The following GFPT1 variants were observed in gnomAD, a reference collection of about 807,000 sequenced individuals.
GFPT1 encodes glutamine--fructose-6-phosphate aminotransferase [isomerizing] 1.
GFPT1 carries 40 observed loss-of-function variants against 92.0 expected under a neutral mutation model. That is an observed-to-expected ratio of 0.43 (90% CI 0.34 to 0.57). The LOEUF (loss-of-function observed/expected upper bound fraction) is 0.57, where lower values mean the gene tolerates loss of function less well. Ranked by LOEUF, GFPT1 falls within the 20% of genes least tolerant of loss-of-function variation. The pLI, the probability that GFPT1 is intolerant of heterozygous loss-of-function variation, is 0.02. For missense variants in GFPT1, 448 were observed against 869.1 expected, an observed-to-expected ratio of 0.52 and a Z score of 6.09; for synonymous variants, 269 against 280.6, an observed-to-expected ratio of 0.96 and a Z score of 0.41.
At chr2:69,383,792 AT>A (rs1372318548) in intron 1 of GFPT1, among the ~76,000 whole-genome samples, 1 of 151,924 alleles carries the variant, frequency 6.6e-6, no homozygotes. Flanking sequence ...CGCCCGGCTA[AT>A]TTTTTTGGAT....
chr2:69,326,534 T>G (rs1199007724), intron 19 of GFPT1, among the ~76,000 whole-genome samples: 1 of 152,190 alleles, frequency 6.6e-6, no homozygotes, highest in Non-Finnish European at 1.5e-5. Context: ...AAAAGCACTA[T>G]GTTTTGGTTG....
intron 1 of GFPT1, among the ~76,000 whole-genome samples, chr2:69,381,704 C>G (rs549437921): frequency 2.1e-5 from 3 of 143,748 alleles, no homozygotes; most frequent in African/African-American, 8.1e-5. Flanking sequence ...CAGGTATGCA[C>G]CACCATGCCT....
chr2:69,366,196 A>T (rs1671606504), intron 3 of GFPT1, among the ~76,000 whole-genome samples: 1 of 150,808 alleles, frequency 6.6e-6, no homozygotes, highest in South Asian at 2.1e-4. Context: ...AGAAAGTCAC[A>T]AGATTCTATA....
intron 1 of GFPT1, among the ~76,000 whole-genome samples, chr2:69,381,682 T>C (rs1017046977): frequency 1.1e-4 from 17 of 151,052 alleles, no homozygotes; most frequent in African/African-American, 3.9e-4. Context: ...GTCTTCTAAG[T>C]AGACTGGACT....
intron 4 of GFPT1, among the ~76,000 whole-genome samples, chr2:69,362,776 G>A (rs747929946): frequency 3.3e-5 from 5 of 151,876 alleles, no homozygotes; most frequent in Non-Finnish European, 7.4e-5. Context: ...CAGCCTGGGC[G>A]ACACAGCGAG....
chr2:69,361,032 GC>G (rs1468370170), intron 4 of GFPT1, among the ~76,000 whole-genome samples: 1 of 151,882 alleles, frequency 6.6e-6, no homozygotes, highest in Non-Finnish European at 1.5e-5. Context: ...ACCACACCCG[GC>G]CCCCAACAAT....
At chr2:69,350,413 T>A (rs1490094869) in intron 9 of GFPT1, among the ~76,000 whole-genome samples, 2 of 152,070 alleles carry the variant, frequency 1.3e-5, no homozygotes, top group South Asian at 4.2e-4. Flanking sequence ...CAGGTAAAAG[T>A]GCTACATTAT....
At chr2:69,365,832 G>A (rs564581396) in intron 3 of GFPT1, among the ~76,000 whole-genome samples, 6 of 151,144 alleles carry the variant, frequency 4.0e-5, no homozygotes, top group Non-Finnish European at 8.8e-5. Flanking sequence ...TTTTTGAAAC[G>A]GAGTTTTGCT....
chr2:69,363,509 C>T, intron 4 of GFPT1, 36 bp downstream of exon 4: 1 of 1,604,856 alleles, frequency 6.2e-7, no homozygotes, highest in Non-Finnish European at 8.5e-7. Context: ...ATTAGGTTTC[C>T]ACAATCATTC....
chr2:69,370,643 G>A (rs942452617), intron 2 of GFPT1, among the ~76,000 whole-genome samples: 1 of 150,642 alleles, frequency 6.6e-6, no homozygotes, highest in Non-Finnish European at 1.5e-5. Flanking sequence ...AGAAACGGAA[G>A]GAAGAAACCA....
At position 69,320,774 on chromosome 2, in the gene GFPT1, CA is replaced by C. The variant is rs1392514437; in HGVS notation, c.*5414del. On this transcript the variant is annotated 3_prime_UTR_variant, in exon 20 of 20. Coordinates refer to ENST00000357308, the MANE Select transcript of GFPT1 (RefSeq NM_001244710.2). ...CTGCATGCCAGCCTGGGCAACAGAG[CA>C]AAACTCCATCTCAAAAAAAAAAAAA... 1 of 143,486 alleles carries C rather than the reference CA, an allele frequency of 7.0e-6. No homozygotes were observed. The highest frequency in any genetic ancestry group is 1.5e-5 in the Non-Finnish European group (1 of 66,602). 8.9% of individuals were successfully genotyped at this position (143,486 alleles called of 1,614,324 possible).
At chr2:69,356,399 G>C in intron 7 of GFPT1, 97 bp downstream of exon 7, 1 of 865,588 alleles carries the variant, frequency 1.2e-6, no homozygotes, top group South Asian at 1.3e-5. Context: ...ATAAAGGGCA[G>C]AGCCTTTATA....
At chr2:69,330,569 A>C (rs1670636087) in intron 15 of GFPT1, among the ~76,000 whole-genome samples, 3 of 149,156 alleles carry the variant, frequency 2.0e-5, no homozygotes, top group Non-Finnish European at 4.5e-5. Flanking sequence ...TTATGTTTTA[A>C]GTTTGCATTA....
intron 3 of GFPT1, among the ~76,000 whole-genome samples, chr2:69,364,145 T>C (rs1263837743): frequency 6.6e-6 from 1 of 150,852 alleles, no homozygotes; most frequent in African/African-American, 2.4e-5. Flanking sequence ...TAGGAACACA[T>C]TGTACGTCTG....
At position 69,337,993 on chromosome 2, in the gene GFPT1, C is replaced by A; in HGVS notation, c.1387G>T (p.Gly463Trp). ...YCKERGALTVGITNTVGSSIS... is the reference protein window; with the variant it reads ...YCKERGALTVWITNTVGSSIS... ...GAACTGCCAACTGTGTTTGTGATCC[C>A]CACAGTTAAAGCTCCTCTCTCCTTA... The change falls in exon 15 of 20, where the codon GGG (glycine) becomes TGG (tryptophan). Residue 463 changes from glycine (G) to tryptophan (W), a missense_variant. Around this residue, in one of 7 missense-constraint regions of GFPT1, gnomAD observed 121 missense variants for 304.3 expected, o/e 0.40. Coordinates refer to ENST00000357308, the MANE Select transcript of GFPT1 (RefSeq NM_001244710.2). 1 of 1,612,906 alleles carries A rather than the reference C, an allele frequency of 6.2e-7. No individual in the cohort carries two copies. Among genetic ancestry groups the A allele is most frequent in the Non-Finnish European group, 8.5e-7 (1 of 1,178,884 alleles).
At chr2:69,382,724 C>A (rs768282620) in intron 1 of GFPT1, among the ~76,000 whole-genome samples, 1 of 152,138 alleles carries the variant, frequency 6.6e-6, no homozygotes, top group Non-Finnish European at 1.5e-5. Context: ...CATTCACTGA[C>A]GGTTAACATA....
At chr2:69,382,463 C>G (rs1402973140) in intron 1 of GFPT1, among the ~76,000 whole-genome samples, 1 of 152,192 alleles carries the variant, frequency 6.6e-6, no homozygotes, top group Non-Finnish European at 1.5e-5. Flanking sequence ...TGCAGCCCTC[C>G]TCCTAAACAC....
intron 3 of GFPT1, among the ~76,000 whole-genome samples, chr2:69,366,896 T>C (rs1671625014): frequency 6.6e-6 from 1 of 152,208 alleles, no homozygotes; most frequent in Non-Finnish European, 1.5e-5. Context: ...TTCTCAGATG[T>C]CATCTTCCCT....
chr2:69,326,104 T>G lies in GFPT1; in HGVS notation c.*85A>C. 1.2e-6 allele frequency: 1 copy of G among 832,512 alleles called. No individual in the cohort carries two copies. The allele number at this position is 832,512 out of a possible 1,614,324, so 51.6% of individuals were successfully genotyped here. A position where few individuals can be genotyped will look rare whatever the true frequency, so the allele number is the denominator to read the frequency against. On this transcript the variant is annotated 3_prime_UTR_variant, in exon 20 of 20. Transcript: ENST00000357308. Reference sequence around the variant, plus strand: ...TTTACTAAAAAAAGGCTTCAAGGGGTGATATTTTAAATCAAGGTTTTAAAT... The same window carrying G: ...TTTACTAAAAAAAGGCTTCAAGGGGGGATATTTTAAATCAAGGTTTTAAAT...
Sources: gnomAD v4.1 joint callset for allele counts (sites outside exome capture counted in the v4.1 genomes callset) on GRCh38, gnomAD v4.1.1 for gene constraint, gnomAD v4.1.1 regional missense constraint, MANE v1.5 for transcripts, NCBI Gene and HGNC (gene_info 2026-07-23, HGNC 2026-07-21) for gene names.